SNCAIP: variants seen among roughly 807,000 people sequenced by gnomAD.
SNCAIP encodes synphilin-1.
Under a neutral mutation model 86.7 loss-of-function variants are expected in SNCAIP, and 43 were observed. The ratio of observed to expected loss-of-function variants is 0.50; its 90% CI spans 0.39 to 0.64. SNCAIP has a LOEUF of 0.64. SNCAIP is among the 30% of genes least tolerant of loss of function. The pLI is 0.00. For synonymous variants in SNCAIP, 417 were observed against 427.2 expected (o/e 0.98, Z 0.29); for missense variants, 981 against 1,103.1 (o/e 0.89, Z 1.57).
At chr5:122,415,981 T>A (rs370588267) in intron 3 of SNCAIP, among the ~76,000 whole-genome samples, 14 of 152,336 alleles carry the variant, frequency 9.2e-5, no homozygotes, top group East Asian at 7.7e-4. Context: ...ACCACGTAAC[T>A]TTCTGCACCC....
chr5:122,345,411 G>C lies in SNCAIP; in HGVS notation c.-47+33127G>C, dbSNP rs564964440. Among the ~76,000 whole-genome samples the C allele has an allele frequency of 8.5e-5, 13 of 152,118 alleles. No individual in the cohort carries two copies. In the East Asian group the frequency reaches 2.3e-3, roughly 27 times the overall value. On this transcript the variant is annotated intron_variant, in intron 1 of 10. Transcript: ENST00000261368. ...TATATAAAAAGTCCTAAAGAGGCTA[G>C]AGCAATCCTAGGGCTATGGATTGGG...
chr5:122,348,381 G>T (rs1156923219), intron 1 of SNCAIP, among the ~76,000 whole-genome samples: 2 of 152,058 alleles, frequency 1.3e-5, no homozygotes, highest in African/African-American at 4.8e-5. Flanking sequence ...GATGGTAAAA[G>T]GTCCCTGCCC....
intron 8 of SNCAIP, among the ~76,000 whole-genome samples, chr5:122,447,915 C>A (rs1345653149): frequency 6.6e-6 from 1 of 152,144 alleles, no homozygotes; most frequent in East Asian, 1.9e-4. Flanking sequence ...TGCTGGTTCC[C>A]ATGTTAGACA....
chr5:122,428,834 C>G (rs1044752696), intron 5 of SNCAIP, among the ~76,000 whole-genome samples: 1 of 151,314 alleles, frequency 6.6e-6, no homozygotes, highest in African/African-American at 2.4e-5. Context: ...TATGTGAGAA[C>G]ATGCGGTGTT....
chr5:122,462,066 A>G (rs1416138426), intron 10 of SNCAIP, among the ~76,000 whole-genome samples: 1 of 152,234 alleles, frequency 6.6e-6, no homozygotes, highest in African/African-American at 2.4e-5. Flanking sequence ...GTCGCACTGT[A>G]CACACAGTTT....
At chr5:122,313,007 A>T (rs1232522453) in intron 1 of SNCAIP, 1 of 152,292 alleles carries the variant, frequency 6.6e-6, no homozygotes, top group African/African-American at 2.4e-5. Context: ...AGGGAAAATT[A>T]TGAGCCATTA....
At chr5:122,389,413 T>C (rs1321046830) in intron 1 of SNCAIP, 3 of 152,118 alleles carry the variant, frequency 2.0e-5, no homozygotes, top group Non-Finnish European at 2.9e-5. Flanking sequence ...AGAAATTGGA[T>C]TGGAAGAAAG....
chr5:122,402,844 A>G (rs1772114268), intron 2 of SNCAIP, among the ~76,000 whole-genome samples: 1 of 152,222 alleles, frequency 6.6e-6, no homozygotes, highest in Non-Finnish European at 1.5e-5. Flanking sequence ...ATACAAGCTC[A>G]TTTACTTTAA....
chr5:122,362,139 G>C (rs1015294951), intron 1 of SNCAIP, among the ~76,000 whole-genome samples: 5 of 152,170 alleles, frequency 3.3e-5, no homozygotes, highest in African/African-American at 4.8e-5. Flanking sequence ...CTAACCCTCT[G>C]TTGAGCACTT....
chr5:122,313,783 C>T (rs1452802746), intron 1 of SNCAIP, among the ~76,000 whole-genome samples: 1 of 152,144 alleles, frequency 6.6e-6, no homozygotes, highest in African/African-American at 2.4e-5. Context: ...TCGCGGAAGT[C>T]TCTCTGGAAA....
At chr5:122,322,911 T>C (rs1353690225) in intron 1 of SNCAIP, among the ~76,000 whole-genome samples, 1 of 152,222 alleles carries the variant, frequency 6.6e-6, no homozygotes, top group Non-Finnish European at 1.5e-5. Context: ...AAAAAAGAAT[T>C]CGTGCCTCTT....
chr5:122,395,720 T>C (rs1307198984), intron 2 of SNCAIP, among the ~76,000 whole-genome samples: 1 of 152,136 alleles, frequency 6.6e-6, no homozygotes, highest in Non-Finnish European at 1.5e-5. Flanking sequence ...CCCTGATGCT[T>C]CCCCAGATTT....
At chr5:122,398,049 A>G (rs943274360) in intron 2 of SNCAIP, among the ~76,000 whole-genome samples, 6 of 152,112 alleles carry the variant, frequency 3.9e-5, no homozygotes, top group Non-Finnish European at 8.8e-5. Context: ...GCAGAATCCT[A>G]TTGTGAGGGC....
chr5:122,326,376 T>C (rs1471862631), intron 1 of SNCAIP, among the ~76,000 whole-genome samples: 1 of 152,182 alleles, frequency 6.6e-6, no homozygotes, highest in East Asian at 1.9e-4. Flanking sequence ...CTGTAACTTA[T>C]AGTACACTCA....
intron 6 of SNCAIP, among the ~76,000 whole-genome samples, chr5:122,439,591 G>A (rs1300192499): frequency 6.6e-6 from 1 of 152,134 alleles, no homozygotes; most frequent in Admixed American, 6.5e-5. Context: ...GGCATGTTCA[G>A]AAGATGAAGG....
Position 122,450,616 on chromosome 5 carries a change from G to T in SNCAIP, c.1769G>T (p.Gly590Val), listed in dbSNP as rs1244418167. 3 of 1,614,122 alleles carry T rather than the reference G, an allele frequency of 1.9e-6. No homozygotes were observed. Among genetic ancestry groups the T allele is most frequent in the Admixed American group, 1.7e-5 (1 of 60,028 alleles). The part of the protein sequence containing the change: ...DDDSVAKSKP[G>V]VQEGIQVLGS... The stretch of plus-strand genomic sequence containing the variant: ...GATTCTGTAGCCAAAAGCAAGCCAG[G>T]AGTCCAAGAGGGGATTCAGGTTCTT... Residue 590 changes from glycine to valine, a missense_variant, in exon 10 of 11, where the codon GGA (glycine) becomes GTA (valine). Transcript: ENST00000261368.
At chr5:122,362,698 A>G (rs1762426884) in intron 1 of SNCAIP, among the ~76,000 whole-genome samples, 1 of 152,222 alleles carries the variant, frequency 6.6e-6, no homozygotes, top group Non-Finnish European at 1.5e-5. Flanking sequence ...GAGTGAGCCA[A>G]GAACTCAGTT....
At chr5:122,412,528 T>G (rs1346698548) in intron 3 of SNCAIP, among the ~76,000 whole-genome samples, 1 of 152,116 alleles carries the variant, frequency 6.6e-6, no homozygotes. Flanking sequence ...ATCCTCTTAG[T>G]CTTCCTTTGC....
chr5:122,322,200 A>G (rs1160978525), intron 1 of SNCAIP, among the ~76,000 whole-genome samples: 2 of 152,216 alleles, frequency 1.3e-5, no homozygotes, highest in East Asian at 1.9e-4. Context: ...TCCTATGTCA[A>G]TTTGCCTTTG....
Sources: allele counts gnomAD v4.1 joint callset (sites outside exome capture counted in the v4.1 genomes callset), GRCh38; gene constraint gnomAD v4.1.1; transcripts MANE v1.5; gene names NCBI Gene and HGNC (gene_info 2026-07-23, HGNC 2026-07-21).